The following KAZN variants were observed in gnomAD, a reference collection of about 807,000 sequenced individuals.
KAZN encodes the protein kazrin, periplakin interacting protein, also known as kazrin.
In KAZN, 40 loss-of-function variants were observed where a neutral mutation model predicts 87.4. The ratio of observed to expected loss-of-function variants is 0.46; its 90% CI spans 0.36 to 0.60. The LOEUF is 0.60. KAZN is among the 20% of genes least tolerant of loss of function. The pLI, the probability that KAZN is intolerant of heterozygous loss-of-function variation, is 0.00. For synonymous variants in KAZN, 466 were observed against 458.3 expected, an observed-to-expected ratio of 1.02 and a Z score of -0.22; for missense variants, 898 against 1,073.9, an observed-to-expected ratio of 0.84 and a Z score of 2.29.
At chr1:14,801,833 G>C (rs879862612) in intron 1 of KAZN, among the ~76,000 whole-genome samples, 3 of 150,134 alleles carry the variant, frequency 2.0e-5, no homozygotes, top group African/African-American at 7.4e-5. Context: ...ACAGGCACCC[G>C]CCATCACGCC....
chr1:14,793,212 G>A (rs6693267), intron 1 of KAZN, among the ~76,000 whole-genome samples: 10,324 of 152,140 alleles, frequency 0.068, 456 homozygotes, highest in African/African-American at 0.12. Flanking sequence ...GGAAATGATG[G>A]CAGAGCAAAT....
intron 2 of KAZN, among the ~76,000 whole-genome samples, chr1:14,428,018 A>T (rs1395169987): frequency 6.6e-6 from 1 of 152,188 alleles, no homozygotes; most frequent in Non-Finnish European, 1.5e-5. Context: ...GCTGGAATCC[A>T]TCAAGTCTGA....
chr1:14,800,889 G>T (rs1355148865), intron 1 of KAZN, among the ~76,000 whole-genome samples: 3 of 152,106 alleles, frequency 2.0e-5, no homozygotes, highest in Non-Finnish European at 2.9e-5. Flanking sequence ...GGGAGGGGAA[G>T]TGGGGAGTGA....
At chr1:14,335,110 C>A (rs1272599451) in intron 2 of KAZN, among the ~76,000 whole-genome samples, 2 of 147,014 alleles carry the variant, frequency 1.4e-5, no homozygotes, top group African/African-American at 4.9e-5. Flanking sequence ...CTCGGTGCCC[C>A]CCCCCCACCA....
In KAZN at chr1:14,267,359, CAA is replaced by C. The variant is rs61641430; in HGVS notation, c.249+86786_249+86787del. 8.0e-3 allele frequency among the ~76,000 whole-genome samples: 520 copies of C among 64,704 alleles called. 5 individuals are homozygous for C. Among genetic ancestry groups the C allele is most frequent in the African/African-American group, 0.025 (457 of 18,194 alleles). The allele number at this position is 64,704 out of a possible 152,430, so 42.4% of individuals were successfully genotyped here. On this transcript the variant is annotated intron_variant, in intron 2 of 16. Transcript: ENST00000636203. ...AAATACACTAACAATAGCCGATAAGCAAAAAAAAAAAAAAAAAAAATCACAAA... is the reference window on the plus strand; with the variant it reads ...AAATACACTAACAATAGCCGATAAGCAAAAAAAAAAAAAAAAAATCACAAA...
intron 1 of KAZN, among the ~76,000 whole-genome samples, chr1:14,717,738 C>T (rs10927516): frequency 0.44 from 66,688 of 152,022 alleles, 14,896 homozygotes; most frequent in South Asian, 0.61. Context: ...GGGGCTGACA[C>T]CCCTGTGGGG....
chr1:14,461,381 T>C (rs1248423857), intron 2 of KAZN, among the ~76,000 whole-genome samples: 1 of 152,164 alleles, frequency 6.6e-6, no homozygotes, highest in Non-Finnish European at 1.5e-5. Context: ...TCACGAGATC[T>C]GATGCTTTTA....
At position 15,054,995 on chromosome 1, in the gene KAZN, C is replaced by A. The variant is rs150536566; in HGVS notation, c.727-1096C>A. 5.7e-4 allele frequency among the ~76,000 whole-genome samples: 86 copies of A among 151,966 alleles called. 1 individual carries two copies. The highest frequency in any genetic ancestry group is 2.1e-3 in the African/African-American group (86 of 41,478). ...GCTAGTCGTGTAGGCTGATCGTGCA[C>A]CTGCCCATCTCCTTGCTAGTTCTGC... is the stretch of plus-strand genomic sequence containing the variant. On this transcript the variant is annotated intron_variant, in intron 4 of 14. Coordinates refer to ENST00000376030, the MANE Select transcript of KAZN (RefSeq NM_201628.3).
At chr1:14,190,546 C>T (rs547986822) in intron 2 of KAZN, among the ~76,000 whole-genome samples, 155 of 152,030 alleles carry the variant, frequency 1.0e-3, no homozygotes, top group Non-Finnish European at 2.1e-3. Flanking sequence ...ATTTACTTGC[C>T]CTTTGATTCT....
At chr1:14,407,020 T>C (rs778772044) in intron 2 of KAZN, among the ~76,000 whole-genome samples, 3 of 152,240 alleles carry the variant, frequency 2.0e-5, no homozygotes, top group Non-Finnish European at 4.4e-5. Flanking sequence ...CATCTATGAG[T>C]ACCCCCAAAA....
intron 1 of KAZN, among the ~76,000 whole-genome samples, chr1:14,624,450 C>T (rs929167380): frequency 6.7e-6 from 1 of 149,984 alleles, no homozygotes; most frequent in African/African-American, 2.5e-5. Flanking sequence ...CAAAAAAAAC[C>T]ACTAACTATT....
intron 2 of KAZN, among the ~76,000 whole-genome samples, chr1:14,382,463 C>CCCCCCT (rs1661451424): frequency 1.6e-5 from 1 of 62,484 alleles, no homozygotes; most frequent in Non-Finnish European, 2.9e-5. Context: ...TGCTATCCCT[C>CCCCCCT]CCCCCTCCCC....
At chr1:13,935,252 G>GTAATAATAATAATAA (rs138811922) in intron 1 of KAZN, among the ~76,000 whole-genome samples, 4,609 of 147,056 alleles carry the variant, frequency 0.031, 111 homozygotes, top group African/African-American at 0.063. Flanking sequence ...AGTAGTAGTA[G>GTAATAATAATAATAA]TAATAATAAT....
intron 1 of KAZN, among the ~76,000 whole-genome samples, chr1:14,850,799 T>C (rs1005131872): frequency 1.5e-4 from 23 of 152,236 alleles, no homozygotes; most frequent in Admixed American, 1.4e-3. Flanking sequence ...CTGAGGAAGG[T>C]GGCCCTGCCA....
intron 1 of KAZN, among the ~76,000 whole-genome samples, chr1:14,125,549 G>C (rs1017325722): frequency 5.9e-5 from 9 of 152,118 alleles, no homozygotes; most frequent in Non-Finnish European, 5.9e-5. Flanking sequence ...AGAGAGCTGG[G>C]GACTCTGCCA....
intron 2 of KAZN, among the ~76,000 whole-genome samples, chr1:14,417,089 G>C (rs1192892251): frequency 6.6e-6 from 1 of 151,544 alleles, no homozygotes; most frequent in Non-Finnish European, 1.5e-5. Flanking sequence ...CTACTCAGGA[G>C]GCTGAGGTGG....
intron 2 of KAZN, among the ~76,000 whole-genome samples, chr1:14,455,376 T>C (rs1056184126): frequency 2.0e-5 from 3 of 152,150 alleles, no homozygotes; most frequent in Admixed American, 1.3e-4. Flanking sequence ...TCTTCAGAAT[T>C]CCCCAGCTCT....
intron 1 of KAZN, among the ~76,000 whole-genome samples, chr1:14,946,872 T>C (rs115204713): frequency 0.02 from 3,117 of 152,292 alleles, 57 homozygotes; most frequent in South Asian, 0.042. Context: ...TTCCAGACTT[T>C]CCTCTAGGCT....
intron 2 of KAZN, chr1:14,351,037 A>G (rs1202709147): frequency 6.6e-6 from 1 of 152,238 alleles, no homozygotes; most frequent in East Asian, 1.9e-4. Context: ...TGCGTAAAAG[A>G]GAAGAGCACA....
Sources: gnomAD v4.1 joint callset for allele counts (sites outside exome capture counted in the v4.1 genomes callset) on GRCh38, gnomAD v4.1.1 for gene constraint, MANE v1.5 for transcripts, NCBI Gene and HGNC (gene_info 2026-07-23, HGNC 2026-07-21) for gene names.